ATP11C: variants seen among roughly 807,000 people sequenced by gnomAD.
The protein encoded by ATP11C is ATPase phospholipid transporting 11C (ATP11C blood group), also known as phospholipid-transporting ATPase IG.
In ATP11C, 36 loss-of-function variants were observed where a neutral mutation model predicts 97.4. The ratio of observed to expected loss-of-function variants is 0.37; its 90% CI spans 0.28 to 0.49. The LOEUF is 0.49. Ranked by LOEUF, ATP11C falls within the 20% of genes least tolerant of loss-of-function variation. The pLI is 0.98. For synonymous variants in ATP11C, 275 were observed against 290.9 expected, an observed-to-expected ratio of 0.95 and a Z score of 0.56; for missense variants, 730 against 824.6, an observed-to-expected ratio of 0.89 and a Z score of 1.40.
intron 1 of ATP11C, among the ~76,000 whole-genome samples, chrX:139,879,714 T>C (rs1327348148): frequency 8.9e-6 from 1 of 112,197 alleles, no homozygotes; most frequent in East Asian, 2.8e-4. Flanking sequence ...CAATTAAATA[T>C]TTTAAAATAA....
upstream of ATP11C, among the ~76,000 whole-genome samples, chrX:139,936,142 T>TA (rs1216997940): frequency 6.3e-5 from 7 of 111,552 alleles, no homozygotes; most frequent in Non-Finnish European, 1.3e-4. Context: ...TATTTTTTTT[T>TA]AATGCAATTC....
At chrX:139,934,738 A>G (rs2148209917), upstream of ATP11C, among the ~76,000 whole-genome samples, 1 of 109,805 alleles carries the variant, frequency 9.1e-6, no homozygotes, top group Admixed American at 9.8e-5. Context: ...TTTTTAGTAG[A>G]GACGGGGTTT....
At chrX:139,907,941 T>A (rs1569490361) in intron 1 of ATP11C, among the ~76,000 whole-genome samples, 1 of 110,727 alleles carries the variant, frequency 9.0e-6, no homozygotes, top group East Asian at 2.8e-4. Context: ...CCTGTCTGTT[T>A]TGCTCATCAG....
chrX:139,868,752 A>T (rs1423218862), intron 1 of ATP11C, among the ~76,000 whole-genome samples: 1 of 110,027 alleles, frequency 9.1e-6, no homozygotes, highest in African/African-American at 3.3e-5. Context: ...ACAAAAAAGA[A>T]ATTCTTACAA....
chrX:139,901,854 C>A (rs531328114), intron 1 of ATP11C, among the ~76,000 whole-genome samples: 3 of 111,166 alleles, frequency 2.7e-5, no homozygotes, highest in Non-Finnish European at 5.7e-5. Context: ...GCTTACACAC[C>A]TTCATGAGTG....
intron 27 of ATP11C, among the ~76,000 whole-genome samples, chrX:139,739,062 G>A (rs1281208711): frequency 9.0e-6 from 1 of 111,324 alleles, no homozygotes; most frequent in Non-Finnish European, 1.9e-5. Flanking sequence ...GTGAGAACAG[G>A]AAGGTAGAAA....
At position 139,852,647 on chromosome X, in the gene ATP11C, A is replaced by G. The variant is rs550863886; in HGVS notation, c.28-25824T>C. 4.4e-4 allele frequency among the ~76,000 whole-genome samples: 48 copies of G among 109,816 alleles called. No individual in the cohort carries two copies. The South Asian group carries it at 0.019, about 44-fold the overall frequency. ...TGAATGATCACCAACAACCCTGCTT[A>G]CGGTGTTGTGTGGATGGTGACAAGT... On this transcript the variant is annotated intron_variant, in intron 1 of 29. Transcript: ENST00000682941.
chrX:139,809,647 CACTTAAAAATGGTT>C (rs1217404082), intron 5 of ATP11C, among the ~76,000 whole-genome samples: 12 of 112,109 alleles, frequency 1.1e-4, no homozygotes, highest in Non-Finnish European at 2.3e-4. Flanking sequence ...ATAAATTGTA[CACTTAAAAATGGTT>C]ACTTAAAAAT....
intron 1 of ATP11C, among the ~76,000 whole-genome samples, chrX:139,866,216 C>T (rs1434407539): frequency 9.3e-6 from 1 of 107,945 alleles, no homozygotes; most frequent in African/African-American, 3.4e-5. Flanking sequence ...TGGTGATGCG[C>T]GCCTGTAATC....
At chrX:139,906,938 C>T (rs2084989710) in intron 1 of ATP11C, among the ~76,000 whole-genome samples, 1 of 111,438 alleles carries the variant, frequency 9.0e-6, no homozygotes, top group Non-Finnish European at 1.9e-5. Flanking sequence ...CATGTTAAAA[C>T]CAACCATGCA....
chrX:139,925,547 C>T (rs748326420), intron 1 of ATP11C, among the ~76,000 whole-genome samples: 4 of 109,307 alleles, frequency 3.7e-5, no homozygotes, highest in Non-Finnish European at 5.7e-5. Flanking sequence ...ACTGTGTTAC[C>T]AATTCAGCTC....
intron 8 of ATP11C, 41 bp downstream of exon 8, chrX:139,800,013 ACCCCCC>A: frequency 2.5e-6 from 1 of 397,134 alleles, no homozygotes; most frequent in Non-Finnish European, 4.6e-6. Flanking sequence ...AGAAAAATAG[ACCCCCC>A]CCCCCAACCA....
At chrX:139,896,107 G>A (rs892256005) in intron 1 of ATP11C, among the ~76,000 whole-genome samples, 2 of 111,278 alleles carry the variant, frequency 1.8e-5, no homozygotes, top group South Asian at 3.8e-4. Flanking sequence ...AATCAGAGAC[G>A]GAAAAATCAA....
intron 1 of ATP11C, among the ~76,000 whole-genome samples, chrX:139,902,713 T>C (rs942040156): frequency 3.6e-5 from 4 of 111,125 alleles, no homozygotes; most frequent in Non-Finnish European, 3.8e-5. Flanking sequence ...GTGGTAAAAA[T>C]AGCTCACTAG....
chrX:139,810,932 T>C (rs1277605197), intron 5 of ATP11C, among the ~76,000 whole-genome samples: 1 of 110,726 alleles, frequency 9.0e-6, no homozygotes, highest in Non-Finnish European at 1.9e-5. Flanking sequence ...GTATTTTTAT[T>C]CTTTTAGCAT....
rs1158144993 is a variant in ATP11C at position 139,782,719 on chromosome X, G to A, written c.1780C>T (p.Arg594Trp). 1.7e-6 allele frequency: 2 copies of A among 1,175,488 alleles called. No homozygotes were observed. Among genetic ancestry groups the A allele is most frequent in the Non-Finnish European group, 2.3e-6 (2 of 874,967 alleles). ...HVERNAMDGY[R>W]TLCVAFKEIA... ...TCTTTGAAGGCTACACAGAGTGTCC[G>A]ATACCCATCCTAGGAGTAAAGTAGG... Residue 594 changes from arginine to tryptophan, a missense_variant, in exon 18 of 30, where the codon CGG becomes TGG. By Grantham distance (101) the Arg-to-Trp change is moderately radical (BLOSUM62 -3). Transcript: ENST00000682941.
At chrX:139,895,274 T>A (rs1409067880) in intron 1 of ATP11C, among the ~76,000 whole-genome samples, 1 of 111,769 alleles carries the variant, frequency 8.9e-6, no homozygotes, top group Non-Finnish European at 1.9e-5. Flanking sequence ...AGAATAAGTT[T>A]TTTTTTTATT....
At chrX:139,821,923 G>A (rs1394700058) in intron 2 of ATP11C, among the ~76,000 whole-genome samples, 2 of 112,328 alleles carry the variant, frequency 1.8e-5, no homozygotes, top group Non-Finnish European at 3.8e-5. Flanking sequence ...TGCAGACCAA[G>A]AAAAGTCTAC....
At chrX:139,888,259 G>A (rs1050773566) in intron 1 of ATP11C, among the ~76,000 whole-genome samples, 20 of 107,240 alleles carry the variant, frequency 1.9e-4, no homozygotes, top group African/African-American at 6.4e-4. Flanking sequence ...TCAGCCTCCC[G>A]AGTAGCTGGG....
Sources: allele counts gnomAD v4.1 joint callset (sites outside exome capture counted in the v4.1 genomes callset), GRCh38; gene constraint gnomAD v4.1.1; transcripts MANE v1.5; gene names NCBI Gene and HGNC (gene_info 2026-07-23, HGNC 2026-07-21).